Variants in VPS13B observed in about 807,000 individuals in gnomAD.
VPS13B encodes the protein vacuolar protein sorting 13 homolog B, also known as intermembrane lipid transfer protein VPS13B.
A neutral mutation model predicts 426.4 loss-of-function variants in VPS13B; 285 were observed. The ratio of observed to expected loss-of-function variants is 0.67; its 90% confidence interval spans 0.61 to 0.74. The LOEUF is 0.74. Ranked by LOEUF, VPS13B falls within the 30% of genes least tolerant of loss-of-function variation. VPS13B has a pLI of 0.00. For missense variants in VPS13B, 4,537 were observed against 4,782.6 expected, an observed-to-expected ratio of 0.95 and a Z score of 1.51; for synonymous variants, 1,676 against 1,676.4, an observed-to-expected ratio of 1.00 and a Z score of 0.01.
intron 43 of VPS13B, among the ~76,000 whole-genome samples, chr8:99,797,642 C>A (rs1308343307): frequency 6.6e-6 from 1 of 152,088 alleles, no homozygotes; most frequent in Non-Finnish European, 1.5e-5. Context: ...CCCATTCCTG[C>A]CCCTTTGGCC....
chr8:99,452,763 A>G (rs1013053791), intron 23 of VPS13B, among the ~76,000 whole-genome samples: 1 of 152,222 alleles, frequency 6.6e-6, no homozygotes, highest in Non-Finnish European at 1.5e-5. Flanking sequence ...CTAAAGTTCA[A>G]AATGAGGAAC....
chr8:99,311,285 C>A (rs1418688837), intron 19 of VPS13B, among the ~76,000 whole-genome samples: 1 of 152,224 alleles, frequency 6.6e-6, no homozygotes, highest in Admixed American at 6.5e-5. Context: ...TAGATCTTTC[C>A]TGCTTTCTCT....
intron 33 of VPS13B, among the ~76,000 whole-genome samples, chr8:99,632,288 A>G (rs1828879894): frequency 6.6e-6 from 1 of 151,970 alleles, no homozygotes; most frequent in Non-Finnish European, 1.5e-5. Context: ...TTAATGTTTG[A>G]AAAGATGATG....
chr8:99,509,827 T>C (rs532771412), intron 28 of VPS13B, among the ~76,000 whole-genome samples: 26 of 149,832 alleles, frequency 1.7e-4, no homozygotes, highest in African/African-American at 6.3e-4. Context: ...ATATTTTATG[T>C]CTATTAATTG....
At chr8:99,752,928 C>T (rs796070765) in intron 39 of VPS13B, among the ~76,000 whole-genome samples, 2 of 152,262 alleles carry the variant, frequency 1.3e-5, no homozygotes, top group African/African-American at 4.8e-5. Context: ...AAACCATGAC[C>T]GTCAAGTAAC....
At position 99,039,410 on chromosome 8, in the gene VPS13B, T is replaced by C. The variant is rs182730855; in HGVS notation, c.291+844T>C. Among the ~76,000 whole-genome samples the C allele has an allele frequency of 1.4e-4, 22 of 152,298 alleles. No individual in the cohort carries two copies. In the East Asian group the frequency reaches 3.3e-3, roughly 23 times the overall value. ...CTAGTGTTTTTTTGCAGATGTAATA[T>C]TGGTTTTAAAGAGTTTCTACCAAAA... On this transcript the variant is annotated intron_variant, in intron 3 of 61. Coordinates refer to ENST00000357162, the MANE Select transcript of VPS13B (RefSeq NM_152564.5).
At chr8:99,020,823 A>C (rs985483195) in intron 2 of VPS13B, among the ~76,000 whole-genome samples, 1 of 152,198 alleles carries the variant, frequency 6.6e-6, no homozygotes, top group Non-Finnish European at 1.5e-5. Context: ...TGATACTATC[A>C]CACTGTTTGG....
At chr8:99,054,058 A>G (rs966510002) in intron 3 of VPS13B, among the ~76,000 whole-genome samples, 5 of 152,036 alleles carry the variant, frequency 3.3e-5, no homozygotes, top group African/African-American at 9.7e-5. Context: ...TATTTACCCC[A>G]TTTGGTTTAT....
intron 3 of VPS13B, among the ~76,000 whole-genome samples, chr8:99,090,266 ACTT>A (rs1846067491): frequency 2.1e-5 from 3 of 145,726 alleles, no homozygotes. Flanking sequence ...ATAATCATAA[ACTT>A]TTTTTTTTTT....
chr8:99,209,609 G>A, intron 17 of VPS13B: 1 of 278,724 alleles, frequency 3.6e-6, no homozygotes, highest in South Asian at 4.5e-5. Context: ...GTCTTGCTAT[G>A]TTGCCCAGGT....
chr8:99,190,636 A>G (rs1430434081), intron 16 of VPS13B, among the ~76,000 whole-genome samples: 4 of 152,022 alleles, frequency 2.6e-5, no homozygotes, highest in Non-Finnish European at 5.9e-5. Context: ...TCTTTTACTT[A>G]TCACAGCTAC....
intron 21 of VPS13B, among the ~76,000 whole-genome samples, chr8:99,428,335 T>G (rs1165040015): frequency 6.6e-6 from 1 of 151,990 alleles, no homozygotes; most frequent in African/African-American, 2.4e-5. Flanking sequence ...GAAACTACCA[T>G]CAGAGTGAAC....
rs1294246109 is a variant in VPS13B at position 99,778,925 on chromosome 8, T to C, written c.7673T>C (p.Val2558Ala). The C allele has an allele frequency of 1.9e-6, 3 of 1,613,960 alleles. No individual in the cohort carries two copies. The highest frequency in any genetic ancestry group is 2.2e-5 in the South Asian group (2 of 91,086). ...IFGQMAVSSD[V>A]VEKLLDCTVI... ...GGGCAGATGGCAGTTTCCAGCGATG[T>C]AGTGGAAAAGCTGCTTGACTGCACC... Residue 2558 changes from valine to alanine, a missense_variant, in exon 42 of 62, where the codon GTA becomes GCA. Val to Ala is a moderately conservative substitution (Grantham distance 64). This residue lies in a region of VPS13B where 4,311 missense variants were observed against 4,474.3 expected (regional missense o/e 0.96). Coordinates refer to ENST00000357162, the MANE Select transcript of VPS13B (RefSeq NM_152564.5).
intron 19 of VPS13B, among the ~76,000 whole-genome samples, chr8:99,318,429 A>T (rs1809787916): frequency 6.6e-6 from 1 of 152,000 alleles, no homozygotes; most frequent in Admixed American, 6.6e-5. Context: ...TCATTTTAAG[A>T]CAAAGAAAAG....
chr8:99,156,619 T>C lies in VPS13B; in HGVS notation c.2084T>C (p.Val695Ala). ...CCTTTGCCATCCATTCGAATATTGG[T>C]GGATAAAATTAATCTGGAACATTCA... Reference protein sequence around the residue: ...LRPLPSIRILVDKINLEHSVP... With the variant: ...LRPLPSIRILADKINLEHSVP... Residue 695 changes from valine (V) to alanine (A), a missense_variant, in exon 15 of 62, where the codon GTG becomes GCG. Around this residue, in one of 2 missense-constraint regions of VPS13B, gnomAD observed 4,311 missense variants for 4,474.3 expected, o/e 0.96. Transcript: ENST00000357162. The C allele has an allele frequency of 1.2e-6, 2 of 1,614,100 alleles. No homozygotes were observed. Among genetic ancestry groups the C allele is most frequent in the South Asian group, 1.1e-5 (1 of 91,082 alleles).
intron 35 of VPS13B, among the ~76,000 whole-genome samples, chr8:99,687,577 G>A (rs1455885501): frequency 6.6e-6 from 1 of 151,906 alleles, no homozygotes; most frequent in Non-Finnish European, 1.5e-5. Flanking sequence ...TACCAGCTGA[G>A]CTCTGCCTGG....
chr8:99,695,668 T>G (rs1831941559), intron 35 of VPS13B, among the ~76,000 whole-genome samples: 1 of 138,388 alleles, frequency 7.2e-6, no homozygotes, highest in African/African-American at 2.7e-5. Context: ...CTGCACAATG[T>G]GCACATGTAC....
At chr8:99,304,409 G>GT (rs149926881) in intron 19 of VPS13B, among the ~76,000 whole-genome samples, 3,384 of 146,920 alleles carry the variant, frequency 0.023, 131 homozygotes, top group African/African-American at 0.078. Flanking sequence ...ATCATGTTTT[G>GT]TTTTTTTTTT....
chr8:99,617,981 T>C (rs1828173515), intron 33 of VPS13B, among the ~76,000 whole-genome samples: 1 of 152,126 alleles, frequency 6.6e-6, no homozygotes, highest in South Asian at 2.1e-4. Context: ...TCTGATACTC[T>C]GTTCCCAGAA....
Sources: gnomAD v4.1 joint callset for allele counts (sites outside exome capture counted in the v4.1 genomes callset) on GRCh38, gnomAD v4.1.1 for gene constraint, gnomAD v4.1.1 regional missense constraint, MANE v1.5 for transcripts, NCBI Gene and HGNC (gene_info 2026-07-23, HGNC 2026-07-21) for gene names.